Variants in RPGRIP1 observed in about 807,000 individuals in gnomAD.
RPGRIP1 encodes RPGR interacting protein 1.
In RPGRIP1, 128 loss-of-function variants were observed where a neutral mutation model predicts 157.9. The observed-to-expected ratio is 0.81, with a 90% CI of 0.70 to 0.94. The LOEUF is 0.94. Among genes scored for constraint, RPGRIP1 ranks in the 40% least tolerant of loss-of-function variants. The probability of loss-of-function intolerance (pLI) is 0.00; values close to 1 mark genes in which losing one functional copy is unlikely to be tolerated. For synonymous variants in RPGRIP1, 554 were observed against 571.6 expected (o/e 0.97, Z 0.44); for missense variants, 1,486 against 1,545.8 (o/e 0.96, Z 0.65).
intron 1 of RPGRIP1, among the ~76,000 whole-genome samples, chr14:21,282,149 C>T (rs10130023): frequency 0.27 from 40,445 of 152,070 alleles, 5,779 homozygotes; most frequent in Admixed American, 0.32. Context: ...TGGCTTTATA[C>T]GTCTATCCAT....
intron 20 of RPGRIP1, among the ~76,000 whole-genome samples, chr14:21,331,668 G>A (rs1883807628): frequency 1.3e-5 from 2 of 152,104 alleles, no homozygotes; most frequent in South Asian, 4.1e-4. Context: ...TAGGAGAAGG[G>A]GAAGAGGGTT....
At chr14:21,286,374 C>T (rs149346463) in intron 1 of RPGRIP1, among the ~76,000 whole-genome samples, 8 of 150,970 alleles carry the variant, frequency 5.3e-5, no homozygotes, top group South Asian at 4.2e-4. Context: ...ATTGGTAGGA[C>T]GGTAGTGGCA....
intron 1 of RPGRIP1, among the ~76,000 whole-genome samples, chr14:21,281,849 C>G (rs1274087780): frequency 1.3e-5 from 2 of 151,444 alleles, no homozygotes; most frequent in Non-Finnish European, 2.9e-5. Flanking sequence ...AATCCCAGCA[C>G]GTTGGGAGAC....
intron 16 of RPGRIP1, 87 bp downstream of exon 16, chr14:21,325,470 T>C: frequency 8.0e-7 from 1 of 1,257,442 alleles, no homozygotes; most frequent in Non-Finnish European, 1.1e-6. Context: ...TCTCAATAAG[T>C]GTTTGTTGAA....
chr14:21,351,118 G>C lies in RPGRIP1; in HGVS notation c.3763G>C (p.Asp1255His). 2 of 1,608,610 alleles carry C rather than the reference G, an allele frequency of 1.2e-6. No individual in the cohort carries two copies. The highest frequency in any genetic ancestry group is 1.7e-6 in the Non-Finnish European group (2 of 1,176,718). ...EQELDIVSPE[D>H]LATPIGRLKV... is the part of the protein sequence containing the mutation. ...TTTCCCAACAGTTGTTAGCCCTGAA[G>C]ATCTGGCTACCCCAATAGGAAGGCT... The change falls in exon 25 of 25, where the codon GAT becomes CAT. Residue 1255 changes from aspartate to histidine, a missense_variant. Coordinates refer to ENST00000400017, the MANE Select transcript of RPGRIP1 (RefSeq NM_020366.4).
intron 22 of RPGRIP1, among the ~76,000 whole-genome samples, chr14:21,344,717 G>C (rs1414145031): frequency 6.6e-6 from 1 of 152,068 alleles, no homozygotes; most frequent in Non-Finnish European, 1.5e-5. Flanking sequence ...AAGCCAAGGC[G>C]GGCAGATTAC....
At chr14:21,292,035 G>A (rs1346160374) in intron 2 of RPGRIP1, among the ~76,000 whole-genome samples, 2 of 152,128 alleles carry the variant, frequency 1.3e-5, no homozygotes, top group Non-Finnish European at 1.5e-5. Context: ...TGGGATGACA[G>A]GCATGAGCCA....
chr14:21,347,276 C>T (rs755518817), intron 23 of RPGRIP1, among the ~76,000 whole-genome samples: 1 of 152,188 alleles, frequency 6.6e-6, no homozygotes, highest in Non-Finnish European at 1.5e-5. Flanking sequence ...TTTGATATTA[C>T]TTAATTTGAA....
At chr14:21,310,661 A>G (rs1191233470) in intron 8 of RPGRIP1, 54 bp downstream of exon 8, 21 of 1,035,714 alleles carry the variant, frequency 2.0e-5, no homozygotes, top group Middle Eastern at 2.0e-4. Flanking sequence ...AATCAAACCC[A>G]AAGAAATCTA....
chr14:21,298,210 G>T (rs751432035), intron 3 of RPGRIP1, among the ~76,000 whole-genome samples: 1 of 152,036 alleles, frequency 6.6e-6, no homozygotes, highest in Non-Finnish European at 1.5e-5. Context: ...GTGTCCAAAA[G>T]AATAGTGGCT....
At chr14:21,349,513 C>T (rs1218254375) in intron 24 of RPGRIP1, among the ~76,000 whole-genome samples, 1 of 150,284 alleles carries the variant, frequency 6.7e-6, no homozygotes. Context: ...AGCGATTTTC[C>T]TGCCTCAGCC....
chr14:21,301,693 A>AAT (rs1555365328), intron 4 of RPGRIP1, among the ~76,000 whole-genome samples: 1 of 101,716 alleles, frequency 9.8e-6, no homozygotes, highest in Non-Finnish European at 2.0e-5. Context: ...TAATAATAAT[A>AAT]ATAATAATAA....
In RPGRIP1 at chr14:21,343,035, G is replaced by A; in HGVS notation, c.3340-1G>A. The A allele has an allele frequency of 1.2e-6, 2 of 1,610,464 alleles. No homozygotes were observed. The highest frequency in any genetic ancestry group is 2.2e-5 in the East Asian group (1 of 44,858). On this transcript the variant is annotated splice_acceptor_variant, in intron 21 of 24. Transcript: ENST00000400017. LOFTEE classifies it high-confidence loss of function. ...AACTAAATAAACATTTTCCTTATCA[G>A]GATTCAGAGAAGATGTGCATTGAAA...
chr14:21,333,088 A>T (rs1217956384), intron 20 of RPGRIP1, among the ~76,000 whole-genome samples: 1 of 152,222 alleles, frequency 6.6e-6, no homozygotes, highest in Non-Finnish European at 1.5e-5. Context: ...CAACAAGAGC[A>T]ATGCTTCATT....
At chr14:21,329,893 G>A (rs777566281) in intron 19 of RPGRIP1, among the ~76,000 whole-genome samples, 7 of 150,832 alleles carry the variant, frequency 4.6e-5, no homozygotes, top group Non-Finnish European at 7.4e-5. Flanking sequence ...TGAGGCATGC[G>A]GATCACATGA....
At chr14:21,330,647 C>T (rs1029051837) in intron 20 of RPGRIP1, among the ~76,000 whole-genome samples, 10 of 151,932 alleles carry the variant, frequency 6.6e-5, no homozygotes, top group South Asian at 2.1e-4. Context: ...CCAGCCTGGG[C>T]GACAGAGCGA....
Position 21,328,660 on chromosome 14 carries a change from GT to G in RPGRIP1, c.3099+34del. ...CTTAAAAACTCTGAAGCACTAAATTGTGGGTTGTAGTGTCCCCAGATGTATT... is the reference window on the plus strand; with the variant it reads ...CTTAAAAACTCTGAAGCACTAAATTGGGGTTGTAGTGTCCCCAGATGTATT... On this transcript the variant is annotated intron_variant, in intron 19 of 24. Transcript: ENST00000400017. 2.1e-6 allele frequency: 3 copies of G among 1,404,460 alleles called. No individual in the cohort carries two copies. In the Admixed American group the frequency reaches 5.1e-5, roughly 24 times the overall value. 87.0% of individuals were successfully genotyped at this position (1,404,460 alleles called of 1,614,324 possible). A position where few individuals can be genotyped will look rare whatever the true frequency, so the allele number is the denominator to read the frequency against.
At chr14:21,293,054 G>A (rs528426158) in intron 2 of RPGRIP1, among the ~76,000 whole-genome samples, 110 of 151,462 alleles carry the variant, frequency 7.3e-4, no homozygotes, top group African/African-American at 2.5e-3. Context: ...GCTGAGGCAG[G>A]AGAATTGCTT....
chr14:21,303,251 C>T lies in RPGRIP1; in HGVS notation c.588-80C>T, dbSNP rs1418059390. 10 of 952,018 alleles carry T rather than the reference C, an allele frequency of 1.1e-5. No individual in the cohort carries two copies. The East Asian group carries it at 2.6e-4, about 25-fold the overall frequency. 59.0% of individuals were successfully genotyped at this position (952,018 alleles called of 1,614,324 possible). A position where few individuals can be genotyped will look rare whatever the true frequency, so the allele number is the denominator to read the frequency against. ...GACATGTACCAAGGTTACTGATTCA[C>T]TTAATTTCTTTTTATATGTGTAAGA... On this transcript the variant is annotated intron_variant, in intron 5 of 24. Transcript: ENST00000400017.
Sources: gnomAD v4.1 joint callset for allele counts (sites outside exome capture counted in the v4.1 genomes callset) on GRCh38, gnomAD v4.1.1 for gene constraint, MANE v1.5 for transcripts, NCBI Gene and HGNC (gene_info 2026-07-23, HGNC 2026-07-21) for gene names.